GARIN1A: variants seen among roughly 807,000 people sequenced by gnomAD.
GARIN1A encodes golgi associated RAB2 interactor 1A.
the GARIN1A span, among the ~76,000 whole-genome samples, chr7:128,688,262 G>A: frequency 1.3e-5 from 2 of 152,152 alleles, no homozygotes; most frequent in East Asian, 3.9e-4. Flanking sequence ...TGCCCACCTC[G>A]GCCTCCCAAA....
chr7:128,696,959 C>T, the GARIN1A span, among the ~76,000 whole-genome samples: 1 of 152,174 alleles, frequency 6.6e-6, no homozygotes, highest in African/African-American at 2.4e-5. Flanking sequence ...ACAGAATTTT[C>T]CAGGAAGTTA....
chr7:128,699,959 G>A, the GARIN1A span, among the ~76,000 whole-genome samples: 5 of 151,862 alleles, frequency 3.3e-5, no homozygotes, highest in East Asian at 5.8e-4. Context: ...GTGGTCCTTT[G>A]TCTTTTTAGC....
chr7:128,682,448 TTTCTCTCCTCG>T, the GARIN1A span, among the ~76,000 whole-genome samples: 3 of 152,228 alleles, frequency 2.0e-5, no homozygotes, highest in Non-Finnish European at 2.9e-5. Flanking sequence ...CCTCTGTGGC[TTTCTCTCCTCG>T]GGTTGCCCTT....
the GARIN1A span, among the ~76,000 whole-genome samples, chr7:128,706,349 C>T: frequency 2.0e-5 from 3 of 152,110 alleles, no homozygotes; most frequent in Admixed American, 2.0e-4. Flanking sequence ...ACATACTTAG[C>T]GTGCTTCTTC....
the GARIN1A span, among the ~76,000 whole-genome samples, chr7:128,707,746 C>T: frequency 6.6e-6 from 1 of 152,150 alleles, no homozygotes; most frequent in African/African-American, 2.4e-5. Context: ...AGCACCCTGC[C>T]CGGCCAAATA....
chr7:128,676,152 C>T, the GARIN1A span, among the ~76,000 whole-genome samples: 101 of 150,126 alleles, frequency 6.7e-4, 1 homozygote, highest in African/African-American at 2.1e-3. Context: ...ACTACAGGCG[C>T]CTGCCACCAT....
At chr7:128,707,993 T>A in the GARIN1A span, among the ~76,000 whole-genome samples, 1 of 150,372 alleles carries the variant, frequency 6.7e-6, no homozygotes, top group Non-Finnish European at 1.5e-5. Flanking sequence ...TCTTTCTCCT[T>A]CCTTTCTCTC....
the GARIN1A span, chr7:128,672,630 C>G: frequency 5.3e-6 from 2 of 378,140 alleles, no homozygotes; most frequent in South Asian, 4.7e-5. Flanking sequence ...GATGCTGTGG[C>G]CTTTTAAAGC....
At chr7:128,706,380 G>A in the GARIN1A span, among the ~76,000 whole-genome samples, 2 of 152,036 alleles carry the variant, frequency 1.3e-5, no homozygotes. Context: ...GTCACTGCTT[G>A]TAGGCCCTCT....
At chr7:128,694,541 A>AAAAG in the GARIN1A span, among the ~76,000 whole-genome samples, 1 of 150,160 alleles carries the variant, frequency 6.7e-6, no homozygotes, top group African/African-American at 2.4e-5. Flanking sequence ...CTCAAAAAAA[A>AAAAG]AAAGAAAGAA....
the GARIN1A span, among the ~76,000 whole-genome samples, chr7:128,682,503 C>T: frequency 1.3e-5 from 2 of 152,174 alleles, no homozygotes; most frequent in Non-Finnish European, 2.9e-5. Context: ...TGTCACTGCC[C>T]CACATTTCCA....
the GARIN1A span, chr7:128,677,484 G>A: frequency 7.2e-7 from 1 of 1,382,582 alleles, no homozygotes; most frequent in African/African-American, 1.7e-5. Context: ...TCTAGCCTCG[G>A]CGGCAGCGAG....
At chr7:128,680,157 C>T in the GARIN1A span, 1 of 1,505,700 alleles carries the variant, frequency 6.6e-7, no homozygotes, top group East Asian at 2.5e-5. Context: ...CAGGTGGGTC[C>T]TCTGTGGGGT....
At chr7:128,682,668 C>T in the GARIN1A span, among the ~76,000 whole-genome samples, 1 of 152,258 alleles carries the variant, frequency 6.6e-6, no homozygotes, top group Non-Finnish European at 1.5e-5. Flanking sequence ...AGCTCCGCCT[C>T]CTGGGTTCAA....
chr7:128,697,497 G>C, the GARIN1A span: 1 of 148,228 alleles, frequency 6.7e-6, no homozygotes, highest in African/African-American at 2.5e-5. Context: ...AGCTAAGCAG[G>C]GTCGGGCCTG....
chr7:128,706,477 A>G, the GARIN1A span, among the ~76,000 whole-genome samples: 3 of 151,862 alleles, frequency 2.0e-5, no homozygotes, highest in South Asian at 2.1e-4. Context: ...CTATAACTAT[A>G]TATCTCCATC....
At chr7:128,672,467 A>G in the GARIN1A span, 2 of 1,609,114 alleles carry the variant, frequency 1.2e-6, no homozygotes, top group Admixed American at 1.7e-5. Context: ...TGGGGTGGAA[A>G]ATGGCCTTCT....
chr7:128,672,443 C>G, the GARIN1A span: 1 of 1,609,128 alleles, frequency 6.2e-7, no homozygotes, highest in Non-Finnish European at 8.5e-7. Context: ...GGAACCAGGC[C>G]CTGGAGTGGA....
the GARIN1A span, among the ~76,000 whole-genome samples, chr7:128,674,656 CT>C: frequency 1.3e-5 from 2 of 149,958 alleles, no homozygotes; most frequent in South Asian, 2.1e-4. Context: ...AGAAGTGTCA[CT>C]TTTTTTTTTC....
Sources: gnomAD v4.1 joint callset for allele counts (sites outside exome capture counted in the v4.1 genomes callset) on GRCh38, gnomAD v4.1.1 for gene constraint, MANE v1.5 for transcripts, NCBI Gene and HGNC (gene_info 2026-07-23, HGNC 2026-07-21) for gene names.